CCDC172: variants seen among roughly 807,000 people sequenced by gnomAD.
The protein encoded by CCDC172 is coiled-coil domain containing 172.
Under a neutral mutation model 38.0 loss-of-function variants are expected in CCDC172, and 30 were observed. The ratio of observed to expected loss-of-function variants is 0.79; its 90% CI spans 0.59 to 1.07. The LOEUF (loss-of-function observed/expected upper bound fraction) is 1.07. Among genes scored for constraint, CCDC172 ranks in the 50% least tolerant of loss-of-function variants. The pLI, the probability that CCDC172 is intolerant of heterozygous loss-of-function variation, is 0.00. For synonymous variants in CCDC172, 78 were observed against 88.3 expected (o/e 0.88, Z 0.66); for missense variants, 297 against 290.1 (o/e 1.02, Z -0.17).
At chr10:116,364,229 A>G (rs1363588304) in intron 7 of CCDC172, among the ~76,000 whole-genome samples, 1 of 152,188 alleles carries the variant, frequency 6.6e-6, no homozygotes, top group Non-Finnish European at 1.5e-5. Context: ...TATCAATAAA[A>G]TGTAAATTAA....
intron 5 of CCDC172, among the ~76,000 whole-genome samples, chr10:116,342,547 G>T (rs1204099753): frequency 1.3e-5 from 2 of 152,160 alleles, no homozygotes; most frequent in South Asian, 2.1e-4. Context: ...TAGGGGTTAG[G>T]ATTGGTGCCC....
At chr10:116,363,397 C>T (rs1845086823) in intron 7 of CCDC172, among the ~76,000 whole-genome samples, 1 of 152,146 alleles carries the variant, frequency 6.6e-6, no homozygotes, top group Admixed American at 6.5e-5. Flanking sequence ...GTCACACATT[C>T]AACTTTCATA....
chr10:116,328,461 G>A (rs995700497), intron 3 of CCDC172, among the ~76,000 whole-genome samples: 1 of 152,056 alleles, frequency 6.6e-6, no homozygotes, highest in African/African-American at 2.4e-5. Flanking sequence ...ACATCTAAAA[G>A]AGCTTCTTCT....
At chr10:116,334,750 G>T (rs1322306568) in intron 3 of CCDC172, among the ~76,000 whole-genome samples, 1 of 151,952 alleles carries the variant, frequency 6.6e-6, no homozygotes, top group Non-Finnish European at 1.5e-5. Context: ...TCAAATTGCT[G>T]TGTCAATGGG....
intron 3 of CCDC172, 90 bp downstream of exon 3, chr10:116,325,478 C>T (rs536667454): frequency 3.0e-6 from 3 of 985,048 alleles, no homozygotes; most frequent in African/African-American, 3.3e-5. Context: ...AACCAGTTGT[C>T]CTTCAAGTAG....
intron 7 of CCDC172, among the ~76,000 whole-genome samples, chr10:116,374,671 TAGAA>T (rs1206984661): frequency 6.6e-6 from 1 of 151,306 alleles, no homozygotes; most frequent in Admixed American, 6.6e-5. Flanking sequence ...CAAAAGCAGG[TAGAA>T]AGAGAGGGAA....
At chr10:116,361,957 C>G (rs556108123) in intron 7 of CCDC172, among the ~76,000 whole-genome samples, 37 of 152,120 alleles carry the variant, frequency 2.4e-4, no homozygotes, top group African/African-American at 7.5e-4. Context: ...GGGAGGCCAA[C>G]GGGGGCAGAT....
chr10:116,346,466 C>T (rs929700553), intron 5 of CCDC172, among the ~76,000 whole-genome samples: 20 of 151,974 alleles, frequency 1.3e-4, no homozygotes, highest in African/African-American at 4.1e-4. Context: ...AAAGCCATGG[C>T]AAGCAGATCA....
rs1186576246 is a variant in CCDC172, at chr10:116,340,795, T to C, written c.227T>C (p.Leu76Ser). Residue 76 changes from leucine to serine, a missense_variant, in exon 4 of 9, where the codon TTA (leucine) becomes TCA (serine). Coordinates refer to ENST00000333254, the MANE Select transcript of CCDC172 (RefSeq NM_198515.3). ...LQLLKAHENA[L>S]EKQYSEITNH... ...CTTTTGAAAGCTCATGAAAATGCTTTAGAAAAACAGTACAGTGAAATTACA... is the reference window on the plus strand; with the variant it reads ...CTTTTGAAAGCTCATGAAAATGCTTCAGAAAAACAGTACAGTGAAATTACA... 6.2e-7 allele frequency: 1 copy of C among 1,606,730 alleles called. No individual in the cohort carries two copies. Among genetic ancestry groups the C allele is most frequent in the Non-Finnish European group, 8.5e-7 (1 of 1,175,758 alleles).
At chr10:116,372,078 CT>C (rs1416428407) in intron 7 of CCDC172, among the ~76,000 whole-genome samples, 1 of 152,028 alleles carries the variant, frequency 6.6e-6, no homozygotes, top group Non-Finnish European at 1.5e-5. Flanking sequence ...TTGGTGTGGG[CT>C]TCAGAGCTGA....
At chr10:116,371,359 T>C (rs985030662) in intron 7 of CCDC172, among the ~76,000 whole-genome samples, 4 of 151,932 alleles carry the variant, frequency 2.6e-5, no homozygotes, top group Admixed American at 1.3e-4. Flanking sequence ...GAATTTCTAA[T>C]ATTTAACCAT....
chr10:116,342,262 T>A, intron 5 of CCDC172, 61 bp downstream of exon 5: 1 of 1,449,104 alleles, frequency 6.9e-7, no homozygotes, highest in Non-Finnish European at 9.1e-7. Flanking sequence ...TTTGAATGAA[T>A]GAATTTTCCA....
chr10:116,354,997 C>T (rs1323726445), intron 5 of CCDC172, among the ~76,000 whole-genome samples: 1 of 152,002 alleles, frequency 6.6e-6, no homozygotes, highest in Non-Finnish European at 1.5e-5. Flanking sequence ...TATTACAAGT[C>T]AAAATGTTTT....
At chr10:116,337,564 A>G (rs2134915693) in intron 3 of CCDC172, among the ~76,000 whole-genome samples, 2 of 152,298 alleles carry the variant, frequency 1.3e-5, no homozygotes, top group Middle Eastern at 3.4e-3. Flanking sequence ...CCTTTTCTTC[A>G]TATTGTCTGT....
At chr10:116,326,287 T>G (rs1478854524) in intron 3 of CCDC172, among the ~76,000 whole-genome samples, 2 of 152,098 alleles carry the variant, frequency 1.3e-5, no homozygotes, top group Non-Finnish European at 2.9e-5. Context: ...ATTGGGAAGA[T>G]GGGAATAGAC....
chr10:116,337,913 T>TA (rs1844750418), intron 3 of CCDC172, among the ~76,000 whole-genome samples: 3 of 152,048 alleles, frequency 2.0e-5, no homozygotes, highest in East Asian at 1.9e-4. Context: ...TGCAGGAACA[T>TA]AAAAAATAAC....
At chr10:116,330,846 G>T (rs1414043915) in intron 3 of CCDC172, among the ~76,000 whole-genome samples, 1 of 151,942 alleles carries the variant, frequency 6.6e-6, no homozygotes, top group Non-Finnish European at 1.5e-5. Flanking sequence ...TGATCCTTCT[G>T]CTTCAGCTTC....
intron 5 of CCDC172, among the ~76,000 whole-genome samples, chr10:116,347,205 C>A (rs1252211043): frequency 6.6e-6 from 1 of 152,088 alleles, no homozygotes; most frequent in Non-Finnish European, 1.5e-5. Flanking sequence ...TCAGGATTTT[C>A]AAAAACTTGA....
At chr10:116,336,682 GT>G (rs965427423) in intron 3 of CCDC172, among the ~76,000 whole-genome samples, 7 of 148,788 alleles carry the variant, frequency 4.7e-5, no homozygotes, top group African/African-American at 9.8e-5. Flanking sequence ...GTAACTCTTA[GT>G]TTTTTTTTTA....
Sources: gnomAD v4.1 joint callset for allele counts (sites outside exome capture counted in the v4.1 genomes callset) on GRCh38, gnomAD v4.1.1 for gene constraint, MANE v1.5 for transcripts, NCBI Gene and HGNC (gene_info 2026-07-23, HGNC 2026-07-21) for gene names.